The following ROBO1 variants were observed in gnomAD, a reference collection of about 807,000 sequenced individuals.
The protein encoded by ROBO1 is roundabout guidance receptor 1.
Under a neutral mutation model 195.9 loss-of-function variants are expected in ROBO1, and 149 were observed. The ratio of observed to expected loss-of-function variants is 0.76; its 90% CI spans 0.67 to 0.87. ROBO1 has a LOEUF of 0.87. Among genes scored for constraint, ROBO1 ranks in the 40% least tolerant of loss-of-function variants. The pLI, the probability that ROBO1 is intolerant of heterozygous loss-of-function variation, is 0.00. For synonymous variants in ROBO1, 816 were observed against 733.2 expected (o/e 1.11, Z -1.82); for missense variants, 1,933 against 2,068.3 (o/e 0.93, Z 1.27).
intron 3 of ROBO1, among the ~76,000 whole-genome samples, chr3:79,049,189 A>G (rs1354076326): frequency 6.6e-6 from 1 of 152,170 alleles, no homozygotes; most frequent in Admixed American, 6.5e-5. Flanking sequence ...TAAGCAGTGT[A>G]GAGAAGACAT....
intron 2 of ROBO1, among the ~76,000 whole-genome samples, chr3:79,334,311 A>T (rs200230966): frequency 0.038 from 5,060 of 131,610 alleles, 298 homozygotes; most frequent in African/African-American, 0.13. Flanking sequence ...AAAAAAAAAA[A>T]ATATATATAT....
intron 2 of ROBO1, among the ~76,000 whole-genome samples, chr3:79,144,076 T>C (rs1273294461): frequency 6.6e-6 from 1 of 152,060 alleles, no homozygotes; most frequent in African/African-American, 2.4e-5. Flanking sequence ...ATGATATGGA[T>C]GTACTAGAGT....
At chr3:79,108,733 C>A (rs935400935) in intron 3 of ROBO1, among the ~76,000 whole-genome samples, 1 of 151,728 alleles carries the variant, frequency 6.6e-6, no homozygotes, top group Admixed American at 6.6e-5. Context: ...TAGACAAAGT[C>A]TCTTCAGAAC....
At chr3:78,798,825 G>A (rs1367676971) in intron 4 of ROBO1, among the ~76,000 whole-genome samples, 1 of 152,178 alleles carries the variant, frequency 6.6e-6, no homozygotes, top group Non-Finnish European at 1.5e-5. Context: ...ACAATGTACA[G>A]GTGAAGCTAT....
chr3:79,712,779 C>T (rs905818775), intron 1 of ROBO1, among the ~76,000 whole-genome samples: 2 of 152,026 alleles, frequency 1.3e-5, no homozygotes, highest in African/African-American at 2.4e-5. Flanking sequence ...GGGGCTAATG[C>T]AGCCAGTGAA....
chr3:79,259,145 CT>C lies in ROBO1; in HGVS notation c.89-133607del, dbSNP rs770134557. On this transcript the variant is annotated intron_variant, in intron 2 of 30. Coordinates refer to ENST00000464233, the MANE Select transcript of ROBO1 (RefSeq NM_002941.4). Reference sequence around the variant, plus strand: ...TTGAGTTGCAAACAATCCAAATATACTTTTTGTTGTTGTTGTTGAGACAGGG... The same window carrying C: ...TTGAGTTGCAAACAATCCAAATATACTTTTGTTGTTGTTGTTGAGACAGGG... Among the ~76,000 whole-genome samples the C allele has an allele frequency of 5.3e-5, 8 of 151,900 alleles. No individual in the cohort carries two copies. The South Asian group carries it at 1.7e-3, about 32-fold the overall frequency.
At chr3:79,456,895 C>T (rs62257570) in intron 2 of ROBO1, among the ~76,000 whole-genome samples, 42,022 of 151,980 alleles carry the variant, frequency 0.28, 6,396 homozygotes, top group East Asian at 0.38. Context: ...AAAGGTCTTG[C>T]TGTGTTCTAG....
intron 1 of ROBO1, among the ~76,000 whole-genome samples, chr3:79,680,324 A>G (rs1946906612): frequency 6.6e-6 from 1 of 152,048 alleles, no homozygotes; most frequent in Admixed American, 6.6e-5. Flanking sequence ...GGAAAATAGT[A>G]CTAGTGACTA....
chr3:79,129,773 T>G lies in ROBO1; in HGVS notation c.89-4234A>C, dbSNP rs567137963. On this transcript the variant is annotated intron_variant, in intron 2 of 30. Coordinates refer to ENST00000464233, the MANE Select transcript of ROBO1 (RefSeq NM_002941.4). ...TGTAGTGAGAACACTTAAAATTGAGTGTCTTGCCTAGGTTTTCTTCTAGGG... is the reference window on the plus strand; with the variant it reads ...TGTAGTGAGAACACTTAAAATTGAGGGTCTTGCCTAGGTTTTCTTCTAGGG... Among the ~76,000 whole-genome samples the G allele has an allele frequency of 5.9e-5, 9 of 152,150 alleles. No individual in the cohort carries two copies. In the South Asian group the frequency reaches 1.5e-3, roughly 25 times the overall value.
chr3:79,055,723 G>T (rs2078794099), intron 3 of ROBO1, among the ~76,000 whole-genome samples: 2 of 152,066 alleles, frequency 1.3e-5, no homozygotes. Context: ...TCCAAAACAT[G>T]AAGGGATTAC....
chr3:79,015,243 C>G (rs1045414217), intron 3 of ROBO1, among the ~76,000 whole-genome samples: 11 of 151,976 alleles, frequency 7.2e-5, no homozygotes, highest in Non-Finnish European at 1.2e-4. Flanking sequence ...CAGATCGTAT[C>G]GGAACTACAC....
chr3:79,342,826 G>A (rs2034962123), intron 2 of ROBO1, among the ~76,000 whole-genome samples: 3 of 152,140 alleles, frequency 2.0e-5, no homozygotes, highest in Non-Finnish European at 4.4e-5. Flanking sequence ...TAAAATATTT[G>A]TTCTAACAGC....
chr3:79,048,545 G>C (rs1230123428), intron 3 of ROBO1, among the ~76,000 whole-genome samples: 1 of 152,138 alleles, frequency 6.6e-6, no homozygotes, highest in African/African-American at 2.4e-5. Context: ...TGTGGTTGGA[G>C]AAGTATATAT....
chr3:79,363,484 T>A (rs984824610), intron 2 of ROBO1, among the ~76,000 whole-genome samples: 7 of 152,240 alleles, frequency 4.6e-5, no homozygotes, highest in Non-Finnish European at 1.0e-4. Context: ...AGACTATCCT[T>A]GTATTACACA....
chr3:79,206,801 G>A (rs1393844860), intron 2 of ROBO1, among the ~76,000 whole-genome samples: 2 of 152,074 alleles, frequency 1.3e-5, no homozygotes, highest in African/African-American at 4.8e-5. Flanking sequence ...TAGGAATGTT[G>A]AATAAATAAA....
At chr3:78,931,236 C>CTTTTTTTTTTTTTTTTTTTTTT (rs71127369) in intron 4 of ROBO1, among the ~76,000 whole-genome samples, 9 of 79,210 alleles carry the variant, frequency 1.1e-4, no homozygotes, top group East Asian at 3.9e-4. Context: ...TTCTTTCTTT[C>CTTTTTTTTTTTTTTTTTTTTTT]TTTTTTTTTT....
intron 3 of ROBO1, among the ~76,000 whole-genome samples, chr3:79,055,564 C>A (rs1394733229): frequency 6.6e-6 from 1 of 152,024 alleles, no homozygotes; most frequent in Non-Finnish European, 1.5e-5. Context: ...TACAATTCAG[C>A]CTTATATCAC....
At chr3:79,148,305 T>C (rs553587217) in intron 2 of ROBO1, among the ~76,000 whole-genome samples, 2 of 151,914 alleles carry the variant, frequency 1.3e-5, no homozygotes, top group East Asian at 1.9e-4. Context: ...AAAGACTATA[T>C]ACAGAATGAA....
At chr3:79,593,700 TC>T (rs1180097896) in intron 1 of ROBO1, among the ~76,000 whole-genome samples, 1 of 152,112 alleles carries the variant, frequency 6.6e-6, no homozygotes, top group East Asian at 1.9e-4. Context: ...AACCTCCGCC[TC>T]CCAGGCTCAA....
Sources: gnomAD v4.1 joint callset for allele counts (sites outside exome capture counted in the v4.1 genomes callset) on GRCh38, gnomAD v4.1.1 for gene constraint, MANE v1.5 for transcripts, NCBI Gene and HGNC (gene_info 2026-07-23, HGNC 2026-07-21) for gene names.